The following PRMT8 variants were observed in gnomAD, a reference collection of about 807,000 sequenced individuals.
The protein encoded by PRMT8 is protein arginine methyltransferase 8, also known as protein arginine N-methyltransferase 8.
Under a neutral mutation model 47.1 loss-of-function variants are expected in PRMT8, and 7 were observed. That is an observed-to-expected ratio of 0.15 (90% CI 0.08 to 0.28). PRMT8 has a LOEUF of 0.28. Ranked by LOEUF, PRMT8 falls within the 10% of genes least tolerant of loss-of-function variation. PRMT8 has a pLI of 1.00. For synonymous variants in PRMT8, 188 were observed against 186.5 expected, an observed-to-expected ratio of 1.01 and a Z score of -0.07; for missense variants, 237 against 505.4, an observed-to-expected ratio of 0.47 and a Z score of 5.09.
intron 1 of PRMT8, among the ~76,000 whole-genome samples, chr12:3,393,562 C>T (rs377163491): frequency 6.6e-5 from 10 of 152,092 alleles, no homozygotes; most frequent in Admixed American, 6.6e-4. Flanking sequence ...TGTTCTGTTC[C>T]ATTGGTCTAT....
At chr12:3,448,730 ATTTT>A (rs1864885354) in intron 1 of PRMT8, among the ~76,000 whole-genome samples, 1 of 151,502 alleles carries the variant, frequency 6.6e-6, no homozygotes, top group Non-Finnish European at 1.5e-5. Flanking sequence ...CTTTTTAAAA[ATTTT>A]ATTTTATTTT....
chr12:3,456,922 G>A lies in PRMT8; in HGVS notation c.48+75480G>A, dbSNP rs1352680919. Among the ~76,000 whole-genome samples the A allele has an allele frequency of 2.0e-5, 3 of 152,160 alleles. No individual in the cohort carries two copies. The East Asian group carries it at 5.8e-4, about 29-fold the overall frequency. Reference sequence around the variant, plus strand: ...TGCGTCTTTTCTTGCTGTGGCTGACGTCCTAGCCGTGTTAAGGGGGTGGGG... The same window carrying A: ...TGCGTCTTTTCTTGCTGTGGCTGACATCCTAGCCGTGTTAAGGGGGTGGGG... On this transcript the variant is annotated intron_variant, in intron 1 of 9. Transcript: ENST00000452611. The surrounding 1 kb of genome is among the most constrained non-coding windows in gnomAD (Gnocchi z 4.2).
chr12:3,426,038 G>A lies in PRMT8; in HGVS notation c.48+44596G>A, dbSNP rs780751003. Among the ~76,000 whole-genome samples, 20 of 152,216 alleles carry A rather than the reference G, an allele frequency of 1.3e-4. 1 individual carries two copies. Among genetic ancestry groups the A allele is most frequent in the Admixed American group, 7.2e-4 (11 of 15,286 alleles). ...CTGGATGGCCCTCGGGGGCTGACCC[G>A]CAGGGTGCAGGATTTCGGGATATAG... On this transcript the variant is annotated intron_variant, in intron 1 of 9. Transcript: ENST00000452611.
chr12:3,417,475 G>A (rs1297038511), intron 1 of PRMT8, among the ~76,000 whole-genome samples: 3 of 152,254 alleles, frequency 2.0e-5, no homozygotes, highest in Non-Finnish European at 2.9e-5. Flanking sequence ...TGAGGACACC[G>A]TGGGTTTTGG....
chr12:3,485,976 G>A (rs1313706384), intron 1 of PRMT8, among the ~76,000 whole-genome samples: 1 of 152,192 alleles, frequency 6.6e-6, no homozygotes, highest in East Asian at 1.9e-4. Flanking sequence ...CACTCATTAT[G>A]CGTTTTCAGG....
chr12:3,439,711 G>T (rs1864778906), intron 1 of PRMT8, among the ~76,000 whole-genome samples: 1 of 152,152 alleles, frequency 6.6e-6, no homozygotes, highest in Non-Finnish European at 1.5e-5. Flanking sequence ...GTTCACATGA[G>T]AAACAAAGGT....
chr12:3,461,714 G>C (rs943109169), intron 1 of PRMT8, among the ~76,000 whole-genome samples: 13 of 150,156 alleles, frequency 8.7e-5, no homozygotes. Context: ...GGGGCCATTC[G>C]TTTATTTACT....
chr12:3,396,053 T>C (rs1864245740), intron 1 of PRMT8, among the ~76,000 whole-genome samples: 1 of 152,180 alleles, frequency 6.6e-6, no homozygotes, highest in Admixed American at 6.5e-5. Context: ...TTTTTCGTTT[T>C]CCATTTGCTT....
chr12:3,439,429 C>G (rs1864776082), intron 1 of PRMT8, among the ~76,000 whole-genome samples: 1 of 152,116 alleles, frequency 6.6e-6, no homozygotes, highest in Non-Finnish European at 1.5e-5. Context: ...CACTGAGACA[C>G]CTGGCTCTAT....
At chr12:3,398,676 TC>T (rs559569864) in intron 1 of PRMT8, among the ~76,000 whole-genome samples, 85 of 152,304 alleles carry the variant, frequency 5.6e-4, no homozygotes, top group African/African-American at 1.9e-3. Context: ...CTTCCCGGGC[TC>T]ACTTCATTTT....
intron 3 of PRMT8, chr12:3,551,163 T>C (rs923736316): frequency 6.7e-6 from 1 of 149,654 alleles, no homozygotes; most frequent in African/African-American, 2.5e-5. Flanking sequence ...TGCTCCTAAG[T>C]CACCCAGCAG....
intron 1 of PRMT8, among the ~76,000 whole-genome samples, chr12:3,537,403 C>G (rs554725829): frequency 1.8e-4 from 28 of 152,260 alleles, no homozygotes; most frequent in African/African-American, 6.7e-4. Context: ...CTTGTAAGAG[C>G]TCTCTACGTA....
chr12:3,433,428 A>C (rs899005291), intron 1 of PRMT8, among the ~76,000 whole-genome samples: 2 of 152,194 alleles, frequency 1.3e-5, no homozygotes, highest in African/African-American at 4.8e-5. Flanking sequence ...TACATTCAAA[A>C]TTCATTTAAT....
intron 1 of PRMT8, among the ~76,000 whole-genome samples, chr12:3,406,130 C>A (rs1565400104): frequency 6.6e-6 from 1 of 152,260 alleles, no homozygotes; most frequent in Non-Finnish European, 1.5e-5. Flanking sequence ...CTGGAAGCTG[C>A]CAAGTCTTGG....
chr12:3,429,104 C>T (rs911754034), intron 1 of PRMT8, among the ~76,000 whole-genome samples: 1 of 152,102 alleles, frequency 6.6e-6, no homozygotes, highest in African/African-American at 2.4e-5. Flanking sequence ...TTGCCTCTGT[C>T]AGCTGCTTAT....
In PRMT8 at chr12:3,566,053, G is replaced by A. The variant is rs898354915; in HGVS notation, c.482-2653G>A. 6.6e-6 allele frequency among the ~76,000 whole-genome samples: 1 copy of A among 151,986 alleles called. No homozygotes were observed. Among genetic ancestry groups the A allele is most frequent in the African/African-American group, 2.4e-5 (1 of 41,376 alleles). On this transcript the variant is annotated intron_variant, in intron 4 of 9. Transcript: ENST00000382622. The surrounding 1 kb of genome is among the most constrained non-coding windows in gnomAD (Gnocchi z 4.7). ...CTGACCCATAGCCACACAGACACAG[G>A]CAGACATTAGGGAAGAACCTTCAAG...
intron 1 of PRMT8, among the ~76,000 whole-genome samples, chr12:3,439,569 CA>C (rs1233974264): frequency 6.6e-6 from 1 of 152,218 alleles, no homozygotes; most frequent in African/African-American, 2.4e-5. Context: ...ATGGACTCAG[CA>C]GCAGAAAAAC....
intron 1 of PRMT8, among the ~76,000 whole-genome samples, chr12:3,539,755 G>A: frequency 6.7e-6 from 1 of 149,736 alleles, no homozygotes; most frequent in East Asian, 2.0e-4. Context: ...TGGGTGTAGA[G>A]CTGGGCTGGG....
At chr12:3,421,594 G>A (rs1220512508) in intron 1 of PRMT8, among the ~76,000 whole-genome samples, 3 of 152,124 alleles carry the variant, frequency 2.0e-5, no homozygotes, top group Non-Finnish European at 4.4e-5. Context: ...CTGTTGTTTT[G>A]GCCACTTTGG....
Sources: gnomAD v4.1 joint callset for allele counts (sites outside exome capture counted in the v4.1 genomes callset) on GRCh38, gnomAD v4.1.1 for gene constraint, Gnocchi (gnomAD v3.1) non-coding constraint, MANE v1.5 for transcripts, NCBI Gene and HGNC (gene_info 2026-07-23, HGNC 2026-07-21) for gene names.